GNG12: variants seen among roughly 807,000 people sequenced by gnomAD.
The protein encoded by GNG12 is guanine nucleotide-binding protein G(I)/G(S)/G(O) subunit gamma-12.
For missense variants in GNG12, 69 were observed against 83.8 expected, an observed-to-expected ratio of 0.82 and a Z score of 0.69; for synonymous variants, 28 against 29.7, an observed-to-expected ratio of 0.94 and a Z score of 0.19.
intron 1 of GNG12, among the ~76,000 whole-genome samples, chr1:67,786,935 A>ATATG (rs1332684243): frequency 0.012 from 1,551 of 132,980 alleles, 15 homozygotes; most frequent in Non-Finnish European, 0.016. Context: ...TTATATATAT[A>ATATG]TGTGTGTGTG....
chr1:67,734,153 T>A (rs184946144), intron 2 of GNG12, among the ~76,000 whole-genome samples: 1 of 151,822 alleles, frequency 6.6e-6, no homozygotes, highest in Non-Finnish European at 1.5e-5. Flanking sequence ...GTGTGTGTTA[T>A]TCCTGACTCA....
At chr1:67,766,488 G>A (rs1646640680) in intron 2 of GNG12, among the ~76,000 whole-genome samples, 1 of 152,150 alleles carries the variant, frequency 6.6e-6, no homozygotes. Flanking sequence ...TTACGGCGGA[G>A]CATAAGCAGG....
intron 2 of GNG12, among the ~76,000 whole-genome samples, chr1:67,771,546 G>A (rs988455225): frequency 5.3e-5 from 8 of 152,156 alleles, no homozygotes; most frequent in African/African-American, 1.7e-4. Context: ...CTTCCTCCTC[G>A]CGAGTCCCTG....
intron 2 of GNG12, among the ~76,000 whole-genome samples, chr1:67,756,576 CA>C (rs1370333649): frequency 2.0e-5 from 3 of 152,166 alleles, no homozygotes; most frequent in African/African-American, 7.2e-5. Context: ...TTGGAGGCCA[CA>C]AGATAGGGTG....
chr1:67,734,087 C>G, intron 2 of GNG12, among the ~76,000 whole-genome samples: 1 of 151,932 alleles, frequency 6.6e-6, no homozygotes, highest in East Asian at 1.9e-4. Flanking sequence ...CAGATTCTGC[C>G]GGGGCCACCC....
At chr1:67,768,707 G>A (rs763721817) in intron 2 of GNG12, among the ~76,000 whole-genome samples, 12 of 152,162 alleles carry the variant, frequency 7.9e-5, no homozygotes, top group Non-Finnish European at 1.5e-4. Flanking sequence ...AAGGTTAACC[G>A]TAACCATGTT....
intron 2 of GNG12, among the ~76,000 whole-genome samples, chr1:67,730,043 C>T (rs1570492909): frequency 6.6e-6 from 1 of 152,282 alleles, no homozygotes; most frequent in East Asian, 1.9e-4. Context: ...ATGTTCACAG[C>T]AGCACTATTC....
intron 2 of GNG12, among the ~76,000 whole-genome samples, chr1:67,765,783 A>G (rs1203578639): frequency 6.6e-6 from 1 of 152,244 alleles, no homozygotes; most frequent in Non-Finnish European, 1.5e-5. Context: ...AAAGATTTCA[A>G]TGTGGGTGAC....
At chr1:67,763,532 C>T (rs1413876081) in intron 2 of GNG12, among the ~76,000 whole-genome samples, 2 of 143,724 alleles carry the variant, frequency 1.4e-5, no homozygotes, top group African/African-American at 2.5e-5. Flanking sequence ...ATATCCATCA[C>T]TTTTTTTTTT....
chr1:67,762,326 G>A (rs75270382), intron 2 of GNG12, among the ~76,000 whole-genome samples: 1,843 of 152,118 alleles, frequency 0.012, 35 homozygotes, highest in African/African-American at 0.042. Flanking sequence ...CCATCCTTAC[G>A]TACTCAGTAC....
chr1:67,786,278 C>T (rs1173524397), intron 1 of GNG12, among the ~76,000 whole-genome samples: 1 of 152,144 alleles, frequency 6.6e-6, no homozygotes, highest in African/African-American at 2.4e-5. Context: ...CTGTGTCTCC[C>T]CACTGATATT....
At chr1:67,802,007 G>T (rs886445192) in intron 1 of GNG12, among the ~76,000 whole-genome samples, 6 of 152,132 alleles carry the variant, frequency 3.9e-5, no homozygotes, top group African/African-American at 1.4e-4. Flanking sequence ...ATGGCTGAGG[G>T]AAGGAAATAT....
intron 2 of GNG12, among the ~76,000 whole-genome samples, chr1:67,750,260 T>C (rs1646530895): frequency 1.3e-5 from 2 of 152,204 alleles, no homozygotes; most frequent in South Asian, 4.1e-4. Flanking sequence ...AGAGAGTCTT[T>C]GGTGTGCCTC....
chr1:67,727,972 G>A (rs997522873), intron 2 of GNG12, among the ~76,000 whole-genome samples: 14 of 152,256 alleles, frequency 9.2e-5, no homozygotes, highest in African/African-American at 3.1e-4. Context: ...TCTTTTTAGT[G>A]TATTTTCACT....
chr1:67,758,066 G>A (rs1447999166), intron 2 of GNG12, among the ~76,000 whole-genome samples: 1 of 152,138 alleles, frequency 6.6e-6, no homozygotes, highest in Non-Finnish European at 1.5e-5. Context: ...CTGCCTCCCA[G>A]GTTCAAGCAA....
rs1447295144 is a variant in GNG12 at position 67,705,009 on chromosome 1, C to T, written c.*442G>A. 2 of 153,764 alleles carry T rather than the reference C, an allele frequency of 1.3e-5. No individual in the cohort carries two copies. The highest frequency in any genetic ancestry group is 3.8e-4 in the East Asian group (2 of 5,226). 9.5% of individuals were successfully genotyped at this position (153,764 alleles called of 1,614,324 possible). A position where few individuals can be genotyped will look rare whatever the true frequency, so the allele number is the denominator to read the frequency against. Reference sequence around the variant, plus strand: ...CATATATATATACACACAAACACCCCTCTCTCTTATATACTATACAGGCTG... The same window carrying T: ...CATATATATATACACACAAACACCCTTCTCTCTTATATACTATACAGGCTG... On this transcript the variant is annotated 3_prime_UTR_variant, in exon 4 of 4. Coordinates refer to ENST00000370982, the MANE Select transcript of GNG12 (RefSeq NM_018841.6).
intron 1 of GNG12, among the ~76,000 whole-genome samples, chr1:67,830,224 T>G (rs576550991): frequency 6.6e-6 from 1 of 152,262 alleles, no homozygotes; most frequent in South Asian, 2.1e-4. Context: ...AGGCTGGTCT[T>G]GAACTCCCGA....
chr1:67,743,454 T>G (rs893356844), intron 2 of GNG12, among the ~76,000 whole-genome samples: 20 of 152,212 alleles, frequency 1.3e-4, no homozygotes, highest in African/African-American at 4.8e-4. Context: ...ACAGAGAATT[T>G]TTATCTGCTG....
intron 1 of GNG12, among the ~76,000 whole-genome samples, chr1:67,789,216 C>T (rs1014013229): frequency 6.6e-6 from 1 of 152,128 alleles, no homozygotes; most frequent in Non-Finnish European, 1.5e-5. Flanking sequence ...AGGCATCCCC[C>T]CAGGAAGCTC....
Sources: allele counts gnomAD v4.1 joint callset (sites outside exome capture counted in the v4.1 genomes callset), GRCh38; gene constraint gnomAD v4.1.1; transcripts MANE v1.5; gene names NCBI Gene and HGNC (gene_info 2026-07-23, HGNC 2026-07-21).